LTBP1: variants seen among roughly 807,000 people sequenced by gnomAD.
The protein encoded by LTBP1 is latent transforming growth factor beta binding protein 1, also known as latent-transforming growth factor beta-binding protein 1.
LTBP1 carries 129 observed loss-of-function variants against 207.6 expected under a neutral mutation model. The ratio of observed to expected loss-of-function variants is 0.62; its 90% CI spans 0.54 to 0.72. The LOEUF (loss-of-function observed/expected upper bound fraction) is 0.72. LTBP1 is among the 30% of genes least tolerant of loss of function. The probability of loss-of-function intolerance (pLI) is 0.00; values close to 1 mark genes in which losing one functional copy is unlikely to be tolerated. For missense variants in LTBP1, 2,281 were observed against 2,217.2 expected (o/e 1.03, Z -0.58); for synonymous variants, 963 against 833.7 (o/e 1.16, Z -2.67).
chr2:33,207,771 A>G (rs1329751476), intron 7 of LTBP1, among the ~76,000 whole-genome samples: 6 of 152,234 alleles, frequency 3.9e-5, no homozygotes, highest in Non-Finnish European at 8.8e-5. Flanking sequence ...ATGCATAGAA[A>G]TAAGCATATT....
At chr2:33,027,087 G>T (rs1166125023) in intron 3 of LTBP1, among the ~76,000 whole-genome samples, 1 of 152,118 alleles carries the variant, frequency 6.6e-6, no homozygotes, top group African/African-American at 2.4e-5. Flanking sequence ...TGTGACTATA[G>T]CTTGCTCATT....
chr2:33,091,567 C>A (rs913659143), intron 3 of LTBP1, among the ~76,000 whole-genome samples: 1 of 152,162 alleles, frequency 6.6e-6, no homozygotes, highest in African/African-American at 2.4e-5. Flanking sequence ...GGTAGTTAAT[C>A]AGTAAGTCTT....
chr2:33,324,349 C>T (rs1165453125), intron 24 of LTBP1, among the ~76,000 whole-genome samples: 1 of 151,392 alleles, frequency 6.6e-6, no homozygotes, highest in South Asian at 2.1e-4. Flanking sequence ...TCTTACTGTG[C>T]CTAATTTATA....
rs191205299 is a variant in LTBP1, at chr2:33,035,968, A to G, written c.863+14762A>G. ...CCTTTTTTCCCAGAAAATAATTTAT[A>G]TCAGTTATTTCCTGCTTTTCTTTAT... On this transcript the variant is annotated intron_variant, in intron 3 of 33. Transcript: ENST00000404816. 2.0e-5 allele frequency among the ~76,000 whole-genome samples: 3 copies of G among 152,340 alleles called. No individual in the cohort carries two copies. In the East Asian group the frequency reaches 5.8e-4, roughly 29 times the overall value.
At chr2:33,347,301 C>G in intron 25 of LTBP1, 66 bp from the exon 26 acceptor site, 2 of 1,590,838 alleles carry the variant, frequency 1.3e-6, no homozygotes, top group Non-Finnish European at 1.7e-6. Flanking sequence ...CCTGGCACAG[C>G]TGGTAAAATA....
intron 23 of LTBP1, among the ~76,000 whole-genome samples, chr2:33,310,723 T>A (rs1454579181): frequency 6.6e-6 from 1 of 152,142 alleles, no homozygotes; most frequent in Non-Finnish European, 1.5e-5. Context: ...GCCCATTGAG[T>A]CATTTCAACA....
chr2:33,187,113 C>T (rs371416508), intron 6 of LTBP1, 33 bp downstream of exon 6: 7 of 1,582,488 alleles, frequency 4.4e-6, no homozygotes, highest in Non-Finnish European at 5.2e-6. Context: ...ATTTGCCAGA[C>T]CTCTGTTAAC....
In LTBP1 at chr2:33,221,068, T is replaced by C. The variant is rs145676987; in HGVS notation, c.1805-1012T>C. ...TCCTCTTTCAAGTCTTTTTTAGTGGTTTAATCTTTCATCCCATTTTGATTA... is the reference window on the plus strand; with the variant it reads ...TCCTCTTTCAAGTCTTTTTTAGTGGCTTAATCTTTCATCCCATTTTGATTA... On this transcript the variant is annotated intron_variant, in intron 8 of 33. Coordinates refer to ENST00000404816, the MANE Select transcript of LTBP1 (RefSeq NM_206943.4). 8.9e-4 allele frequency among the ~76,000 whole-genome samples: 135 copies of C among 152,340 alleles called. No individual in the cohort carries two copies. The Middle Eastern group carries it at 0.017, about 19-fold the overall frequency.
intron 31 of LTBP1, among the ~76,000 whole-genome samples, chr2:33,382,128 T>C (rs2095223098): frequency 7.9e-6 from 1 of 125,946 alleles, no homozygotes; most frequent in Non-Finnish European, 1.6e-5. Context: ...AGAGTCTCGC[T>C]CTGTTGCCCA....
chr2:33,211,444 T>C (rs555568063), intron 7 of LTBP1, among the ~76,000 whole-genome samples: 9 of 152,308 alleles, frequency 5.9e-5, no homozygotes, highest in African/African-American at 2.2e-4. Context: ...AGTCCCAGTA[T>C]CTGGGATTGG....
Position 33,188,716 on chromosome 2 carries a change from G to A in LTBP1, c.1566G>A (p.Ser522=), listed in dbSNP as rs140060436. 34 of 1,614,090 alleles carry A rather than the reference G, an allele frequency of 2.1e-5. No individual in the cohort carries two copies. The highest frequency in any genetic ancestry group is 1.6e-4 in the Middle Eastern group (1 of 6,062). ...KEAQPGQSQV[S]YQGLPVQKTQ... Reference sequence around the variant, plus strand: ...CTCAACCAGGCCAATCCCAAGTCTCGTACCAAGGGCTTCCTGTCCAGAAGA... The same window carrying A: ...CTCAACCAGGCCAATCCCAAGTCTCATACCAAGGGCTTCCTGTCCAGAAGA... The change falls in exon 7 of 34, where the codon TCG becomes TCA. Residue 522 remains serine, a synonymous_variant. Transcript: ENST00000404816.
At chr2:33,298,192 C>T (rs2093917750) in intron 20 of LTBP1, among the ~76,000 whole-genome samples, 1 of 152,168 alleles carries the variant, frequency 6.6e-6, no homozygotes, top group Non-Finnish European at 1.5e-5. Context: ...ATATTTTTAT[C>T]CCTAGAATTA....
intron 2 of LTBP1, among the ~76,000 whole-genome samples, chr2:32,977,472 T>C (rs368306199): frequency 6.6e-6 from 1 of 152,148 alleles, no homozygotes. Context: ...AGCAATCTTA[T>C]TGCTTCCAGG....
At chr2:33,053,734 A>T (rs977454181) in intron 3 of LTBP1, among the ~76,000 whole-genome samples, 2 of 152,160 alleles carry the variant, frequency 1.3e-5, no homozygotes, top group African/African-American at 4.8e-5. Context: ...CCTCTGGCTA[A>T]GATTAGGCCT....
chr2:33,134,525 T>A lies in LTBP1; in HGVS notation c.1034-268T>A. On this transcript the variant is annotated intron_variant, in intron 4 of 33. Transcript: ENST00000404816. The surrounding 1 kb of genome is among the most constrained non-coding windows in gnomAD (Gnocchi z 4.4). ...ATTGTGGTTAGTAATCCCACTCCAG[T>A]GACTCGACTTCAAATGTGGTTTTGG... 1 of 1,485,200 alleles carries A rather than the reference T, an allele frequency of 6.7e-7. No individual in the cohort carries two copies. The highest frequency in any genetic ancestry group is 9.1e-7 in the Non-Finnish European group (1 of 1,101,186). The allele number at this position is 1,485,200 out of a possible 1,614,324, so 92.0% of individuals were successfully genotyped here.
chr2:33,287,393 G>A (rs1015505443), intron 19 of LTBP1, among the ~76,000 whole-genome samples: 5 of 152,128 alleles, frequency 3.3e-5, no homozygotes, highest in East Asian at 1.9e-4. Flanking sequence ...TGTACCCTTC[G>A]TGTACACGTA....
chr2:33,064,051 A>G (rs1194492829), intron 3 of LTBP1, among the ~76,000 whole-genome samples: 1 of 151,956 alleles, frequency 6.6e-6, no homozygotes, highest in Non-Finnish European at 1.5e-5. Flanking sequence ...ACGGGGTTTC[A>G]CCATGTTGGG....
rs12105747 is a variant in LTBP1 at position 33,364,594 on chromosome 2, A to G, written c.4540+238A>G. Among the ~76,000 whole-genome samples the G allele has an allele frequency of 0.095, 14,475 of 152,228 alleles. 774 individuals are homozygous for G. The highest frequency in any genetic ancestry group is 0.14 in the African/African-American group (5,808 of 41,546). On this transcript the variant is annotated intron_variant, in intron 30 of 33. Transcript: ENST00000404816. ...TATGGACTATGGAGTGGCTGAGCAGATGGCAGGGTTGTTCCATGGCTTAGG... is the reference window on the plus strand; with the variant it reads ...TATGGACTATGGAGTGGCTGAGCAGGTGGCAGGGTTGTTCCATGGCTTAGG...
At chr2:33,308,676 A>C (rs1474244784) in intron 22 of LTBP1, among the ~76,000 whole-genome samples, 1 of 152,230 alleles carries the variant, frequency 6.6e-6, no homozygotes, top group Non-Finnish European at 1.5e-5. Context: ...CTTATAAAAC[A>C]ATGTAATATT....
Sources: allele counts gnomAD v4.1 joint callset (sites outside exome capture counted in the v4.1 genomes callset), GRCh38; gene constraint gnomAD v4.1.1; non-coding constraint Gnocchi (gnomAD v3.1); transcripts MANE v1.5; gene names NCBI Gene and HGNC (gene_info 2026-07-23, HGNC 2026-07-21).